The following KRT86 variants were observed in gnomAD, a reference collection of about 807,000 sequenced individuals.
KRT86 encodes keratin 86.
Under a neutral mutation model 41.2 loss-of-function variants are expected in KRT86, and 30 were observed. That is an observed-to-expected ratio of 0.73 (90% confidence interval 0.54 to 0.99). The LOEUF (loss-of-function observed/expected upper bound fraction) is 0.99. Among genes scored for constraint, KRT86 ranks in the 50% least tolerant of loss-of-function variants. The pLI is 0.00. For synonymous variants in KRT86, 238 were observed against 238.1 expected (o/e 1.00, Z 0.00); for missense variants, 561 against 571.4 (o/e 0.98, Z 0.19).
chr12:52,279,340 T>G (rs759369556), intron 2 of KRT86, among the ~76,000 whole-genome samples: 2 of 152,200 alleles, frequency 1.3e-5, no homozygotes, highest in African/African-American at 2.4e-5. Context: ...TCATCTTTCC[T>G]TTTTGCCTCC....
At chr12:52,287,952 C>T (rs371705203) in intron 2 of KRT86, 53 of 1,614,126 alleles carry the variant, frequency 3.3e-5, no homozygotes, top group South Asian at 8.8e-5. Context: ...CCCACTGACA[C>T]GTCTAGCAGG....
chr12:52,286,572 CTGAGCTCTGGTA>C (rs964961918), intron 2 of KRT86: 3 of 1,414,192 alleles, frequency 2.1e-6, no homozygotes, highest in Non-Finnish European at 2.9e-6. Context: ...TGCCCAAGAC[CTGAGCTCTGGTA>C]TGAAAAGTCA....
At chr12:52,291,831 G>A (rs1384738590) in intron 2 of KRT86, among the ~76,000 whole-genome samples, 2 of 152,128 alleles carry the variant, frequency 1.3e-5, no homozygotes, top group Non-Finnish European at 2.9e-5. Context: ...ACGAGAAGGA[G>A]GAGTAGAGCC....
In KRT86 at chr12:52,286,886, A is replaced by G. The variant is rs1182617682; in HGVS notation, c.-5+10940A>G. 1.0e-5 allele frequency: 16 copies of G among 1,592,392 alleles called. No homozygotes were observed. The East Asian group carries it at 3.1e-4, about 31-fold the overall frequency. ...CCCAGAGTGGCTGAAAAAGCTCCCC[A>G]GTTCATAGGGTAGGGTCCACAACTG... On this transcript the variant is annotated intron_variant, in intron 2 of 10. Transcript: ENST00000423955.
At chr12:52,287,579 G>C (rs754423411) in intron 2 of KRT86, 14 of 1,613,796 alleles carry the variant, frequency 8.7e-6, no homozygotes, top group African/African-American at 6.7e-5. Flanking sequence ...CTGACCTTGC[G>C]CACAGATGCC....
intron 2 of KRT86, among the ~76,000 whole-genome samples, chr12:52,281,047 C>T (rs1223240552): frequency 6.6e-6 from 1 of 152,188 alleles, no homozygotes; most frequent in South Asian, 2.1e-4. Context: ...TGGGCCAGGG[C>T]CCTGTGGATC....
intron 2 of KRT86, among the ~76,000 whole-genome samples, chr12:52,284,196 T>G (rs1937850273): frequency 6.6e-6 from 1 of 152,144 alleles, no homozygotes; most frequent in Non-Finnish European, 1.5e-5. Context: ...TGCTTCTTGT[T>G]TTTTTATTTT....
intron 2 of KRT86, chr12:52,287,777 G>T (rs2083308294): frequency 3.7e-6 from 6 of 1,613,922 alleles, no homozygotes; most frequent in Middle Eastern, 3.3e-4. Flanking sequence ...ATCCATTCAG[G>T]ACACCACAGA....
intron 2 of KRT86, chr12:52,291,337 C>T (rs751087656): frequency 5.1e-6 from 8 of 1,565,938 alleles, no homozygotes; most frequent in East Asian, 4.7e-5. Flanking sequence ...TGCCGAAGCC[C>T]CCGGTGAGGC....
chr12:52,292,317 A>G (rs1443836317), intron 2 of KRT86, among the ~76,000 whole-genome samples: 1 of 152,242 alleles, frequency 6.6e-6, no homozygotes, highest in Admixed American at 6.5e-5. Flanking sequence ...TAAGGAGAGT[A>G]CTATTTTCTT....
chr12:52,298,764 A>G (rs1938306534), intron 2 of KRT86, among the ~76,000 whole-genome samples: 1 of 152,216 alleles, frequency 6.6e-6, no homozygotes, highest in Non-Finnish European at 1.5e-5. Context: ...GTGCTTAACT[A>G]ATATGCCATG....
chr12:52,287,549 T>G (rs772894277), intron 2 of KRT86: 58 of 1,613,738 alleles, frequency 3.6e-5, no homozygotes, highest in Non-Finnish European at 4.4e-5. Flanking sequence ...TGTGTGACAA[T>G]GGTTAGGCCC....
intron 2 of KRT86, chr12:52,288,317 T>C: frequency 6.2e-7 from 1 of 1,612,550 alleles, no homozygotes; most frequent in Non-Finnish European, 8.5e-7. Flanking sequence ...CCAACTCTCC[T>C]CTCTGCTGGC....
At chr12:52,292,843 A>G (rs2121262343) in intron 2 of KRT86, among the ~76,000 whole-genome samples, 1 of 152,292 alleles carries the variant, frequency 6.6e-6, no homozygotes, top group African/African-American at 2.4e-5. Flanking sequence ...TGGTGATGCT[A>G]AATTGAATCA....
chr12:52,276,403 C>T (rs1422634582), intron 2 of KRT86, among the ~76,000 whole-genome samples: 1 of 152,184 alleles, frequency 6.6e-6, no homozygotes, highest in East Asian at 1.9e-4. Flanking sequence ...CCTCTATCAT[C>T]TCTCTCTTCT....
intron 2 of KRT86, among the ~76,000 whole-genome samples, chr12:52,280,586 G>A (rs201267568): frequency 6.6e-6 from 1 of 152,290 alleles, no homozygotes; most frequent in East Asian, 1.9e-4. Flanking sequence ...CCCTCTTCTT[G>A]TGTAAACAGA....
Position 52,308,817 on chromosome 12 carries a change from T to C in KRT86, c.*232T>C. 2 of 572,776 alleles carry C rather than the reference T, an allele frequency of 3.5e-6. No homozygotes were observed. Among genetic ancestry groups the C allele is most frequent in the East Asian group, 3.0e-5 (1 of 33,610 alleles). 35.5% of individuals were successfully genotyped at this position (572,776 alleles called of 1,614,324 possible). On this transcript the variant is annotated 3_prime_UTR_variant, in exon 11 of 11. Coordinates refer to ENST00000423955, the MANE Select transcript of KRT86 (RefSeq NM_001320198.2). ...GTAGCCTTTCCTGGTAGTCAATTTG[T>C]TGTCCCGAGGATTCATCTTTTTCTT...
chr12:52,282,103 A>AATG (rs35363295), intron 2 of KRT86, among the ~76,000 whole-genome samples: 10 of 4,880 alleles, frequency 2.0e-3, no homozygotes. Context: ...TGCAAAATAG[A>AATG]GTAACTATCA....
chr12:52,274,816 A>G (rs1370701473), intron 1 of KRT86, 94 bp downstream of exon 1: 3 of 831,486 alleles, frequency 3.6e-6, no homozygotes, highest in Non-Finnish European at 4.4e-6. Flanking sequence ...TGGGAACAGG[A>G]GCAGAAAAGT....
Sources: gnomAD v4.1 joint callset for allele counts (sites outside exome capture counted in the v4.1 genomes callset) on GRCh38, gnomAD v4.1.1 for gene constraint, MANE v1.5 for transcripts, NCBI Gene and HGNC (gene_info 2026-07-23, HGNC 2026-07-21) for gene names.